The following BIRC6 variants were observed in gnomAD, a reference collection of about 807,000 sequenced individuals.
BIRC6 encodes baculoviral IAP repeat containing 6.
BIRC6 carries 98 observed loss-of-function variants against 503.3 expected under a neutral mutation model. That is an observed-to-expected ratio of 0.19 (90% confidence interval 0.17 to 0.23). The LOEUF (loss-of-function observed/expected upper bound fraction) is 0.23. BIRC6 is among the 10% of genes least tolerant of loss of function. The probability of loss-of-function intolerance (pLI) is 1.00; values close to 1 mark genes in which losing one functional copy is unlikely to be tolerated. For synonymous variants in BIRC6, 2,240 were observed against 2,078.7 expected (o/e 1.08, Z -2.11); for missense variants, 5,360 against 5,806.0 (o/e 0.92, Z 2.50).
In BIRC6 at chr2:32,593,839, A is replaced by G. The variant is rs561734216; in HGVS notation, c.13356-76A>G. The G allele has an allele frequency of 9.5e-6, 12 of 1,259,218 alleles. No homozygotes were observed. In the African/African-American group the frequency reaches 1.6e-4, roughly 17 times the overall value. The allele number at this position is 1,259,218 out of a possible 1,614,324, so 78.0% of individuals were successfully genotyped here. A position where few individuals can be genotyped will look rare whatever the true frequency, so the allele number is the denominator to read the frequency against. On this transcript the variant is annotated intron_variant, in intron 66 of 73. Transcript: ENST00000421745. ...AAATGAAATGCACACACTCATTTGT[A>G]TATTGATTTATGGAGGTGTTTTAGT...
intron 23 of BIRC6, among the ~76,000 whole-genome samples, chr2:32,456,488 T>A (rs954191445): frequency 2.6e-5 from 4 of 152,248 alleles, no homozygotes; most frequent in Admixed American, 6.5e-5. Context: ...ATTTTTGTCT[T>A]GAATATGAAT....
intron 1 of BIRC6, among the ~76,000 whole-genome samples, chr2:32,371,319 A>G (rs1156678867): frequency 1.3e-5 from 2 of 151,532 alleles, no homozygotes; most frequent in Non-Finnish European, 2.9e-5. Flanking sequence ...GTATAATTTC[A>G]TTACCTAGAG....
rs1481074326 is a variant in BIRC6, at chr2:32,407,384, G to T, written c.1477+827G>T. On this transcript the variant is annotated intron_variant, in intron 9 of 73. Transcript: ENST00000421745. ...CGTTTGAACCCGGGAGGCGGAGATT[G>T]CAGCGAGCTGAGATTGCGCCATTGC... is the stretch of plus-strand genomic sequence containing the variant. Among the ~76,000 whole-genome samples the T allele has an allele frequency of 3.3e-5, 5 of 149,984 alleles. No individual in the cohort carries two copies. The East Asian group carries it at 7.8e-4, about 24-fold the overall frequency.
At chr2:32,551,744 G>A (rs2058438710) in intron 65 of BIRC6, among the ~76,000 whole-genome samples, 1 of 152,130 alleles carries the variant, frequency 6.6e-6, no homozygotes, top group Non-Finnish European at 1.5e-5. Context: ...TAATGTGATA[G>A]GATCCACTCC....
At chr2:32,369,943 AAAATATATATATATATATAT>A (rs1376325696) in intron 1 of BIRC6, among the ~76,000 whole-genome samples, 5 of 32,308 alleles carry the variant, frequency 1.5e-4, no homozygotes, top group Non-Finnish European at 2.5e-4. Context: ...AAAAAAAAAA[AAAATATATATATATATATAT>A]ATATATATAT....
rs2044388817 is a variant in BIRC6 at position 32,433,797 on chromosome 2, A to G, written c.3402A>G (p.Lys1134=). 3 of 1,552,438 alleles carry G rather than the reference A, an allele frequency of 1.9e-6. No individual in the cohort carries two copies. The highest frequency in any genetic ancestry group is 2.4e-5 in the South Asian group (2 of 83,680). Residue 1134 remains lysine, a synonymous_variant, in exon 13 of 74, where the codon AAA becomes AAG. Coordinates refer to ENST00000421745, the MANE Select transcript of BIRC6 (RefSeq NM_016252.4). The stretch of plus-strand genomic sequence containing the variant: ...AAAATAAAGCTCCAGGATTAGGGAA[A>G]GTCAATGGTAAGAATGTATCAAAAT... ...LLKNKAPGLG[K]VNALNIEVEQ...
chr2:32,482,620 T>C, intron 39 of BIRC6, 38 bp downstream of exon 39: 1 of 1,606,172 alleles, frequency 6.2e-7, no homozygotes, highest in Non-Finnish European at 8.5e-7. Flanking sequence ...TATGCTATTC[T>C]TAAAACAAGT....
rs534319618 is a variant in BIRC6, at chr2:32,558,783, A to C, written c.13144+9302A>C. The C allele has an allele frequency of 7.9e-5, 12 of 152,336 alleles. No individual in the cohort carries two copies. In the East Asian group the frequency reaches 1.7e-3, roughly 22 times the overall value. 9.4% of individuals were successfully genotyped at this position (152,336 alleles called of 1,614,324 possible). On this transcript the variant is annotated intron_variant, in intron 65 of 73. Coordinates refer to ENST00000421745, the MANE Select transcript of BIRC6 (RefSeq NM_016252.4). ...AACAAGCTTCATATCAAAGATGGCA[A>C]ATGTTTTCAGTATATCCTGAAGGGA...
chr2:32,377,211 A>ATGTGTG (rs1288542523), intron 1 of BIRC6, among the ~76,000 whole-genome samples: 6 of 138,326 alleles, frequency 4.3e-5, no homozygotes, highest in African/African-American at 1.7e-4. Flanking sequence ...CCCTTAATAT[A>ATGTGTG]TATGTGTGTG....
At chr2:32,483,069 C>T (rs928588036) in intron 39 of BIRC6, among the ~76,000 whole-genome samples, 12 of 147,238 alleles carry the variant, frequency 8.2e-5, no homozygotes, top group Non-Finnish European at 1.8e-4. Flanking sequence ...AGGTGCATGC[C>T]ACCAAGCCCA....
At chr2:32,424,304 C>G (rs2043241028) in intron 10 of BIRC6, among the ~76,000 whole-genome samples, 1 of 152,016 alleles carries the variant, frequency 6.6e-6, no homozygotes, top group Non-Finnish European at 1.5e-5. Flanking sequence ...ATACTATCCA[C>G]AGTTTCAGTC....
At chr2:32,591,022 G>C (rs72787511) in intron 66 of BIRC6, 32,052 of 966,050 alleles carry the variant, frequency 0.033, 608 homozygotes, top group Non-Finnish European at 0.037. Context: ...TGGGTTGACA[G>C]TAACCTGCAA....
chr2:32,448,513 T>C (rs1180418856), intron 21 of BIRC6, among the ~76,000 whole-genome samples: 1 of 151,836 alleles, frequency 6.6e-6, no homozygotes, highest in Non-Finnish European at 1.5e-5. Flanking sequence ...CAGTCAGGCG[T>C]GGCGACGCGC....
chr2:32,465,711 G>A (rs543577109), intron 26 of BIRC6, among the ~76,000 whole-genome samples: 3 of 152,224 alleles, frequency 2.0e-5, no homozygotes, highest in African/African-American at 7.2e-5. Context: ...TAAAACAGTT[G>A]GTTTTAACTA....
chr2:32,376,414 A>G (rs1157905951), intron 1 of BIRC6, among the ~76,000 whole-genome samples: 1 of 152,086 alleles, frequency 6.6e-6, no homozygotes, highest in East Asian at 1.9e-4. Flanking sequence ...TATTTTTTAC[A>G]TTTGTTTACA....
intron 65 of BIRC6, chr2:32,558,906 A>G (rs897109685): frequency 2.0e-5 from 3 of 152,070 alleles, no homozygotes; most frequent in African/African-American, 4.8e-5. Context: ...AATAGGCTCT[A>G]TTTTTTAGTT....
At chr2:32,512,896 T>C in intron 53 of BIRC6, 37 bp from the exon 54 acceptor site, 1 of 1,552,902 alleles carries the variant, frequency 6.4e-7, no homozygotes, top group South Asian at 1.1e-5. Flanking sequence ...AATTGCACTA[T>C]ATAGTTGGTT....
Position 32,477,408 on chromosome 2 carries a change from G to C in BIRC6, c.6893G>C (p.Trp2298Ser). Residue 2298 changes from tryptophan (W) to serine (S), a missense_variant, in exon 35 of 74, where the codon TGG (tryptophan) becomes TCG (serine). Coordinates refer to ENST00000421745, the MANE Select transcript of BIRC6 (RefSeq NM_016252.4). ...DLIRLRRTAE[W>S]SRSNLDTEVT... ...ATTCGTTTACGTCGGACAGCAGAAT[G>C]GTCCCGTTCTAATTTAGACACAGAA... The C allele has an allele frequency of 6.2e-7, 1 of 1,613,914 alleles. No individual in the cohort carries two copies. Among genetic ancestry groups the C allele is most frequent in the Non-Finnish European group, 8.5e-7 (1 of 1,179,866 alleles).
chr2:32,427,109 C>G (rs1262470149), intron 10 of BIRC6, among the ~76,000 whole-genome samples: 1 of 151,860 alleles, frequency 6.6e-6, no homozygotes, highest in Non-Finnish European at 1.5e-5. Flanking sequence ...TTGTGTTTAT[C>G]CTATTTGAGG....
Sources: allele counts gnomAD v4.1 joint callset (sites outside exome capture counted in the v4.1 genomes callset), GRCh38; gene constraint gnomAD v4.1.1; transcripts MANE v1.5; gene names NCBI Gene and HGNC (gene_info 2026-07-23, HGNC 2026-07-21).